Variants in TLN2 observed in about 807,000 individuals in gnomAD.
TLN2 encodes talin 2.
TLN2 carries 118 observed loss-of-function variants against 294.7 expected under a neutral mutation model. The ratio of observed to expected loss-of-function variants is 0.40; its 90% confidence interval spans 0.34 to 0.47. TLN2 has a LOEUF of 0.47. TLN2 is among the 20% of genes least tolerant of loss of function. TLN2 has a pLI of 0.84. For missense variants in TLN2, 3,083 were observed against 3,282.2 expected, an observed-to-expected ratio of 0.94 and a Z score of 1.48; for synonymous variants, 1,431 against 1,304.5, an observed-to-expected ratio of 1.10 and a Z score of -2.09.
At chr15:62,673,511 A>C (rs2055741357) in intron 9 of TLN2, among the ~76,000 whole-genome samples, 1 of 151,578 alleles carries the variant, frequency 6.6e-6, no homozygotes, top group Non-Finnish European at 1.5e-5. Flanking sequence ...TGTTTTTAAA[A>C]TAAATATTTC....
intron 1 of TLN2, among the ~76,000 whole-genome samples, chr15:62,577,474 A>G (rs567780630): frequency 1.6e-4 from 25 of 152,284 alleles, no homozygotes; most frequent in South Asian, 1.4e-3. Flanking sequence ...AAACAAAAAC[A>G]AAAAACACAA....
intron 19 of TLN2, among the ~76,000 whole-genome samples, chr15:62,704,249 G>T (rs887743355): frequency 6.6e-6 from 1 of 151,980 alleles, no homozygotes; most frequent in African/African-American, 2.4e-5. Context: ...GAAAAATAAC[G>T]TAATGTTTTT....
At chr15:62,644,709 G>T in intron 3 of TLN2, 1 of 401,434 alleles carries the variant, frequency 2.5e-6, no homozygotes. Context: ...GCCCCTTTTG[G>T]TGCTTTCTCC....
intron 1 of TLN2, among the ~76,000 whole-genome samples, chr15:62,586,149 A>G (rs990803174): frequency 6.6e-6 from 1 of 152,192 alleles, no homozygotes; most frequent in Admixed American, 6.5e-5. Flanking sequence ...ATCCCGATGC[A>G]TCTCCGTCGC....
chr15:62,428,572 A>G (rs572712349), intron 1 of TLN2, among the ~76,000 whole-genome samples: 2 of 152,236 alleles, frequency 1.3e-5, no homozygotes, highest in African/African-American at 4.8e-5. Flanking sequence ...GTGTGTCTGG[A>G]GTGGGTTGAT....
At chr15:62,438,918 C>A (rs955692960) in intron 1 of TLN2, among the ~76,000 whole-genome samples, 1 of 152,216 alleles carries the variant, frequency 6.6e-6, no homozygotes, top group Non-Finnish European at 1.5e-5. Flanking sequence ...ATACTTCCTA[C>A]TCTTAATTTC....
At position 62,736,960 on chromosome 15, in the gene TLN2, C is replaced by G; in HGVS notation, c.3441C>G (p.Pro1147=). The change falls in exon 29 of 59, where the codon CCC becomes CCG. Residue 1147 remains proline (P), a synonymous_variant. Transcript: ENST00000636159. ...GAGTGGCTGCATCGACAACCGACCCCGCGGCCGCCCATGCCATGTTAGATT... is the reference window on the plus strand; with the variant it reads ...GAGTGGCTGCATCGACAACCGACCCGGCGGCCGCCCATGCCATGTTAGATT... ...ARGVAASTTD[P]AAAHAMLDSA... 1 of 1,614,188 alleles carries G rather than the reference C, an allele frequency of 6.2e-7. No individual in the cohort carries two copies. Among genetic ancestry groups the G allele is most frequent in the Non-Finnish European group, 8.5e-7 (1 of 1,180,042 alleles).
At chr15:62,687,686 T>C (rs2057399002) in intron 12 of TLN2, 1 of 152,122 alleles carries the variant, frequency 6.6e-6, no homozygotes, top group Non-Finnish European at 1.5e-5. Flanking sequence ...CTCTTATCTA[T>C]GCAAGATATC....
intron 1 of TLN2, among the ~76,000 whole-genome samples, chr15:62,508,082 A>G (rs1419441283): frequency 6.6e-6 from 1 of 152,174 alleles, no homozygotes; most frequent in Admixed American, 6.5e-5. Context: ...AGCTCTCTGA[A>G]TAAGCCTTAA....
intron 40 of TLN2, among the ~76,000 whole-genome samples, chr15:62,765,697 C>T (rs541334543): frequency 2.6e-5 from 4 of 152,338 alleles, no homozygotes; most frequent in African/African-American, 9.6e-5. Flanking sequence ...CTCTTTACAG[C>T]ATGATTCAAT....
chr15:62,546,168 G>A (rs937034732), intron 1 of TLN2, among the ~76,000 whole-genome samples: 1 of 152,192 alleles, frequency 6.6e-6, no homozygotes, highest in African/African-American at 2.4e-5. Flanking sequence ...ACTGATTTCT[G>A]TCTTCACTAC....
At chr15:62,414,558 G>C (rs12595112) in intron 1 of TLN2, among the ~76,000 whole-genome samples, 1 of 139,724 alleles carries the variant, frequency 7.2e-6, no homozygotes, top group Non-Finnish European at 1.5e-5. Flanking sequence ...AGGAACCGTT[G>C]TTTTAACAAG....
chr15:62,417,477 C>CT (rs1458233462), intron 1 of TLN2, among the ~76,000 whole-genome samples: 1 of 152,194 alleles, frequency 6.6e-6, no homozygotes, highest in Non-Finnish European at 1.5e-5. Context: ...TTCCAAGAAA[C>CT]TTTGAGTTAA....
In TLN2 at chr15:62,493,294, A is replaced by G. The variant is rs78103555; in HGVS notation, c.-237-96393A>G. ...GTTCAAATCTTGCCTCTCCCACCTA[A>G]TGGCACTGACTACAGGCCAGCTATG... On this transcript the variant is annotated intron_variant, in intron 1 of 58. Transcript: ENST00000636159. Among the ~76,000 whole-genome samples, 1,405 of 152,156 alleles carry G rather than the reference A, an allele frequency of 9.2e-3. 12 individuals carry two copies. Among genetic ancestry groups the G allele is most frequent in the Non-Finnish European group, 0.014 (943 of 67,998 alleles).
At chr15:62,435,462 T>C (rs2035239491) in intron 1 of TLN2, among the ~76,000 whole-genome samples, 1 of 152,242 alleles carries the variant, frequency 6.6e-6, no homozygotes, top group Non-Finnish European at 1.5e-5. Flanking sequence ...CTTTTTCTCT[T>C]CACTTTTTGT....
chr15:62,638,435 A>C, intron 3 of TLN2: 2 of 426,752 alleles, frequency 4.7e-6, no homozygotes, highest in South Asian at 1.7e-5. Context: ...ATGGAATTCC[A>C]GGTGCCAGTG....
intron 3 of TLN2, among the ~76,000 whole-genome samples, chr15:62,630,988 GAT>G (rs2049756411): frequency 6.6e-6 from 1 of 152,092 alleles, no homozygotes; most frequent in South Asian, 2.1e-4. Context: ...AAACTTAAAA[GAT>G]TTTTTCATTT....
chr15:62,620,599 C>T (rs910943193), intron 3 of TLN2, among the ~76,000 whole-genome samples: 2 of 151,912 alleles, frequency 1.3e-5, no homozygotes, highest in Non-Finnish European at 2.9e-5. Context: ...CTACCTCAGC[C>T]TCCCTAATAG....
chr15:62,737,241 GA>G (rs2061072835), intron 29 of TLN2, among the ~76,000 whole-genome samples, 155 bp downstream of exon 29: 1 of 152,200 alleles, frequency 6.6e-6, no homozygotes, highest in South Asian at 2.1e-4. Context: ...GGCCATACAT[GA>G]TACTCACTTT....
Sources: gnomAD v4.1 joint callset for allele counts (sites outside exome capture counted in the v4.1 genomes callset) on GRCh38, gnomAD v4.1.1 for gene constraint, MANE v1.5 for transcripts, NCBI Gene and HGNC (gene_info 2026-07-23, HGNC 2026-07-21) for gene names.